The following ZNF891 variants were observed in gnomAD, a reference collection of about 807,000 sequenced individuals.
The protein encoded by ZNF891 is zinc finger protein 891, also known as hCG1646157.
For missense variants in ZNF891, 589 were observed against 632.7 expected, an observed-to-expected ratio of 0.93 and a Z score of 0.74; for synonymous variants, 199 against 209.0, an observed-to-expected ratio of 0.95 and a Z score of 0.41.
Position 133,121,213 on chromosome 12 carries a change from C to T in ZNF891, c.706G>A (p.Val236Met). The T allele has an allele frequency of 6.5e-7, 1 of 1,535,544 alleles. No homozygotes were observed. Residue 236 changes from valine (V) to methionine (M), a missense_variant, in exon 2 of 2, where the codon GTG (valine) becomes ATG (methionine). Val to Met is a conservative substitution (Grantham distance 21, BLOSUM62 1). Transcript: ENST00000537226. ...AGCTTCTCACTTATAGAGTTTTTCA[C>T]ATAATTGTTTATGATTGAATTGTGT... ...LKHNSIINNY[V>M]KNSISEKLYE...
rs913737921 is a variant in ZNF891 at position 133,121,358 on chromosome 12, T to C, written c.561A>G (p.Leu187=). 6.5e-7 allele frequency: 1 copy of C among 1,536,122 alleles called. No homozygotes were observed. Among genetic ancestry groups the C allele is most frequent in the Non-Finnish European group, 8.7e-7 (1 of 1,146,892 alleles). Reference sequence around the variant, plus strand: ...CCTCTAATTCATGATAGTCACGGAATAGCTCCTGAGGTACTGTTTTCTTTG... The same window carrying C: ...CCTCTAATTCATGATAGTCACGGAACAGCTCCTGAGGTACTGTTTTCTTTG... ...YAPKKTVPQE[L]FRDYHELEEN... Residue 187 remains leucine (L), a synonymous_variant, in exon 2 of 2, where the codon CTA becomes CTG. Transcript: ENST00000537226.
In ZNF891 at chr12:133,115,387, T is replaced by G; in HGVS notation, c.*4897A>C. 1 of 29,640 alleles carries G rather than the reference T, an allele frequency of 3.4e-5. No homozygotes were observed. Among genetic ancestry groups the G allele is most frequent in the Non-Finnish European group, 8.7e-5 (1 of 11,470 alleles). The allele number at this position is 29,640 out of a possible 1,614,324, so 1.8% of individuals were successfully genotyped here. A position where few individuals can be genotyped will look rare whatever the true frequency, so the allele number is the denominator to read the frequency against. On this transcript the variant is annotated 3_prime_UTR_variant, in exon 2 of 2. Coordinates refer to ENST00000537226, the MANE Select transcript of ZNF891 (RefSeq NM_001277291.2). Reference sequence around the variant, plus strand: ...CAGCCTGGGAAAAAGCAAAACTCCTTCTCAAAAAAAAAAAAAAAAAAAAAA... The same window carrying G: ...CAGCCTGGGAAAAAGCAAAACTCCTGCTCAAAAAAAAAAAAAAAAAAAAAA...
rs1356676879 is a variant in ZNF891 at position 133,107,684 on chromosome 12, T to C, written c.*12600A>G. The C allele has an allele frequency of 1.3e-5, 2 of 152,186 alleles. No individual in the cohort carries two copies. Among genetic ancestry groups the C allele is most frequent in the Non-Finnish European group, 2.9e-5 (2 of 68,018 alleles). The allele number at this position is 152,186 out of a possible 1,614,324, so 9.4% of individuals were successfully genotyped here. On this transcript the variant is annotated 3_prime_UTR_variant, in exon 2 of 2. Transcript: ENST00000537226. ...GATACATCACAGAAAATTACCAAGG[T>C]ATTCTTCCTGTTTTGTTCCATGTAC...
In ZNF891 at chr12:133,113,943, C is replaced by G. The variant is rs1955701475; in HGVS notation, c.*6341G>C. On this transcript the variant is annotated 3_prime_UTR_variant, in exon 2 of 2. Transcript: ENST00000537226. ...ATGTTGCCTAGGCTGGTTTCAAACT[C>G]CTGGGCTCAAGCAATCTACTCACCT... The G allele has an allele frequency of 1.3e-5, 2 of 151,862 alleles. No homozygotes were observed. Among genetic ancestry groups the G allele is most frequent in the Non-Finnish European group, 2.9e-5 (2 of 68,008 alleles). The allele number at this position is 151,862 out of a possible 1,614,324, so 9.4% of individuals were successfully genotyped here. A position where few individuals can be genotyped will look rare whatever the true frequency, so the allele number is the denominator to read the frequency against.
At position 133,121,577 on chromosome 12, in the gene ZNF891, G is replaced by A. The variant is rs143830032; in HGVS notation, c.342C>T (p.Asp114=). The A allele has an allele frequency of 6.5e-7, 1 of 1,536,568 alleles. No homozygotes were observed. The highest frequency in any genetic ancestry group is 8.7e-7 in the Non-Finnish European group (1 of 1,147,006). ...CTTTGGTTTTAGGTTGAATCTTCTG[G>A]TCTGGACAGATGGCTTGGGGAATTC... ...KKRIPQAICP[D]QKIQPKTKES... is the part of the protein sequence containing the mutation. The change falls in exon 2 of 2, where the codon GAC becomes GAT. Residue 114 remains aspartate (D), a synonymous_variant. Coordinates refer to ENST00000537226, the MANE Select transcript of ZNF891 (RefSeq NM_001277291.2).
At position 133,109,189 on chromosome 12, in the gene ZNF891, T is replaced by C. The variant is rs1251261426; in HGVS notation, c.*11095A>G. ...AGGCCAAAAGACATTCCCGTCAGGG[T>C]ATTAAGAAATACATTGGTGAGGAGT... On this transcript the variant is annotated 3_prime_UTR_variant, in exon 2 of 2. Transcript: ENST00000537226. 6.6e-6 allele frequency: 1 copy of C among 152,166 alleles called. No homozygotes were observed. Among genetic ancestry groups the C allele is most frequent in the East Asian group, 1.9e-4 (1 of 5,190 alleles). The allele number at this position is 152,166 out of a possible 1,614,324, so 9.4% of individuals were successfully genotyped here.
rs1337420865 is a variant in ZNF891, at chr12:133,113,505, C to T, written c.*6779G>A. The T allele has an allele frequency of 1.3e-5, 2 of 152,146 alleles. No homozygotes were observed. Among genetic ancestry groups the T allele is most frequent in the Non-Finnish European group, 2.9e-5 (2 of 68,032 alleles). 9.4% of individuals were successfully genotyped at this position (152,146 alleles called of 1,614,324 possible). The stretch of plus-strand genomic sequence containing the variant: ...CTCCACATGTCAATCCACACAAATA[C>T]ATTTTAATGACTGCATTATATTCCA... On this transcript the variant is annotated 3_prime_UTR_variant, in exon 2 of 2. Coordinates refer to ENST00000537226, the MANE Select transcript of ZNF891 (RefSeq NM_001277291.2).
In ZNF891 at chr12:133,113,235, GC is replaced by G. The variant is rs1955696211; in HGVS notation, c.*7048del. ...ACAACTTTGAAGATATTAAAATCAT[GC>G]TTTAAAAAGTATTTATTAAAAAGTT... On this transcript the variant is annotated 3_prime_UTR_variant, in exon 2 of 2. Coordinates refer to ENST00000537226, the MANE Select transcript of ZNF891 (RefSeq NM_001277291.2). 6.6e-6 allele frequency: 1 copy of G among 151,342 alleles called. No individual in the cohort carries two copies. Among genetic ancestry groups the G allele is most frequent in the Admixed American group, 6.6e-5 (1 of 15,194 alleles). The allele number at this position is 151,342 out of a possible 1,614,324, so 9.4% of individuals were successfully genotyped here.
rs1409913829 is a variant in ZNF891, at chr12:133,126,997, C to T, written c.-107+3230G>A. 7.8e-5 allele frequency among the ~76,000 whole-genome samples: 8 copies of T among 102,776 alleles called. No homozygotes were observed. In the East Asian group the frequency reaches 1.4e-3, roughly 18 times the overall value. 67.4% of individuals were successfully genotyped at this position (102,776 alleles called of 152,430 possible). ...TTTTTTTTTTTTTTTTTTTTTGAGA[C>T]GGAGTCGCCCAAGCTGGAGTGCAGT... On this transcript the variant is annotated intron_variant, in intron 1 of 1. Transcript: ENST00000537226.
At position 133,109,699 on chromosome 12, in the gene ZNF891, AAG is replaced by A. The variant is rs1468583012; in HGVS notation, c.*10583_*10584del. The A allele has an allele frequency of 7.2e-5, 11 of 152,226 alleles. No individual in the cohort carries two copies. Among genetic ancestry groups the A allele is most frequent in the Non-Finnish European group, 1.3e-4 (9 of 68,046 alleles). 9.4% of individuals were successfully genotyped at this position (152,226 alleles called of 1,614,324 possible). On this transcript the variant is annotated 3_prime_UTR_variant, in exon 2 of 2. Coordinates refer to ENST00000537226, the MANE Select transcript of ZNF891 (RefSeq NM_001277291.2). ...ATTTACGGTAGCATTCTTATGCTAA[AAG>A]AAATAATTTTTCAGGCAGTATGAAA...
Position 133,116,670 on chromosome 12 carries a change from C to T in ZNF891, c.*3614G>A, listed in dbSNP as rs1288218172. The T allele has an allele frequency of 6.6e-6, 1 of 152,260 alleles. No individual in the cohort carries two copies. Among genetic ancestry groups the T allele is most frequent in the Non-Finnish European group, 1.5e-5 (1 of 68,104 alleles). The allele number at this position is 152,260 out of a possible 1,614,324, so 9.4% of individuals were successfully genotyped here. A position where few individuals can be genotyped will look rare whatever the true frequency, so the allele number is the denominator to read the frequency against. ...TGTCATTACAATCTTCTGTATTCCT[C>T]AGGCCAAAGCCAGAAACCCTAAACC... is the stretch of plus-strand genomic sequence containing the variant. On this transcript the variant is annotated 3_prime_UTR_variant, in exon 2 of 2. Coordinates refer to ENST00000537226, the MANE Select transcript of ZNF891 (RefSeq NM_001277291.2).
In ZNF891 at chr12:133,119,732, A is replaced by G. The variant is rs1025891891; in HGVS notation, c.*552T>C. The G allele has an allele frequency of 6.6e-6, 1 of 152,556 alleles. No homozygotes were observed. The highest frequency in any genetic ancestry group is 1.5e-5 in the Non-Finnish European group (1 of 68,300). 9.5% of individuals were successfully genotyped at this position (152,556 alleles called of 1,614,324 possible). ...CTTTCAGCAGCTTCAGGAATGGCCA[A>G]TTCATAGGGACAAAGATGAAGTGCA... On this transcript the variant is annotated 3_prime_UTR_variant, in exon 2 of 2. Transcript: ENST00000537226.
chr12:133,130,065 C>T (rs960356385), intron 1 of ZNF891, among the ~76,000 whole-genome samples, 162 bp downstream of exon 1: 2 of 152,116 alleles, frequency 1.3e-5, no homozygotes, highest in Non-Finnish European at 1.5e-5. Flanking sequence ...GGTAAGTAGC[C>T]CCTCCTCCCT....
In ZNF891 at chr12:133,116,981, T is replaced by C. The variant is rs1168657853; in HGVS notation, c.*3303A>G. 6.6e-6 allele frequency: 1 copy of C among 152,304 alleles called. No homozygotes were observed. Among genetic ancestry groups the C allele is most frequent in the Non-Finnish European group, 1.5e-5 (1 of 68,074 alleles). 9.4% of individuals were successfully genotyped at this position (152,304 alleles called of 1,614,324 possible). On this transcript the variant is annotated 3_prime_UTR_variant, in exon 2 of 2. Transcript: ENST00000537226. The stretch of plus-strand genomic sequence containing the variant: ...AAACCACTCCTTCCTTTGAAGTTCA[T>C]ACCATCTAGTTATACCACTTTCTCC...
rs1955756916 is a variant in ZNF891, at chr12:133,121,305, A to G, written c.614T>C (p.Ile205Thr). The G allele has an allele frequency of 1.3e-6, 2 of 1,535,602 alleles. No homozygotes were observed. Among genetic ancestry groups the G allele is most frequent in the East Asian group, 2.4e-5 (1 of 40,898 alleles). Residue 205 changes from isoleucine to threonine, a missense_variant, in exon 2 of 2, where the codon ATT (isoleucine) becomes ACT (threonine). Coordinates refer to ENST00000537226, the MANE Select transcript of ZNF891 (RefSeq NM_001277291.2). ...ACTGGTGAAAATGCTCTGTGAAAAAATAAGTTTTGATCCAAGTTTAGAGTT... is the reference window on the plus strand; with the variant it reads ...ACTGGTGAAAATGCTCTGTGAAAAAGTAAGTTTTGATCCAAGTTTAGAGTT... The part of the protein sequence containing the change: ...EENSKLGSKL[I>T]FSQSIFTSKH...
In ZNF891 at chr12:133,111,988, CA is replaced by C. The variant is rs1321392093; in HGVS notation, c.*8295del. 1 of 152,114 alleles carries C rather than the reference CA, an allele frequency of 6.6e-6. No homozygotes were observed. The highest frequency in any genetic ancestry group is 2.4e-5 in the African/African-American group (1 of 41,428). The allele number at this position is 152,114 out of a possible 1,614,324, so 9.4% of individuals were successfully genotyped here. A position where few individuals can be genotyped will look rare whatever the true frequency, so the allele number is the denominator to read the frequency against. On this transcript the variant is annotated 3_prime_UTR_variant, in exon 2 of 2. Coordinates refer to ENST00000537226, the MANE Select transcript of ZNF891 (RefSeq NM_001277291.2). ...GTGATCTTTTTAAAACAAATAATTT[CA>C]ATCTCTGAAAAACTTAAATAGTTCC...
Position 133,106,500 on chromosome 12 carries a change from C to G in ZNF891, c.*13784G>C, listed in dbSNP as rs1437933391. 1 of 1,614,084 alleles carries G rather than the reference C, an allele frequency of 6.2e-7. No individual in the cohort carries two copies. Among genetic ancestry groups the G allele is most frequent in the East Asian group, 2.2e-5 (1 of 44,878 alleles). Reference sequence around the variant, plus strand: ...CTCATTCTACATCAGAGAACTCATACTGGAGAGAAACCCTATGTATGTAAG... The same window carrying G: ...CTCATTCTACATCAGAGAACTCATAGTGGAGAGAAACCCTATGTATGTAAG... On this transcript the variant is annotated 3_prime_UTR_variant, in exon 2 of 2. Transcript: ENST00000537226.
At chr12:133,126,473 C>CA (rs869209894) in intron 1 of ZNF891, among the ~76,000 whole-genome samples, 2,627 of 57,968 alleles carry the variant, frequency 0.045, 189 homozygotes, top group African/African-American at 0.15. Context: ...GACTCCGTCT[C>CA]AAAAAAAAAA....
chr12:133,123,468 T>C (rs1402457511), intron 1 of ZNF891, among the ~76,000 whole-genome samples: 1 of 152,188 alleles, frequency 6.6e-6, no homozygotes, highest in South Asian at 2.1e-4. Context: ...CTAATGCCTG[T>C]AATCCCAGCA....
Sources: allele counts gnomAD v4.1 joint callset (sites outside exome capture counted in the v4.1 genomes callset), GRCh38; gene constraint gnomAD v4.1.1; transcripts MANE v1.5; gene names NCBI Gene and HGNC (gene_info 2026-07-23, HGNC 2026-07-21).